VMP1: variants seen among roughly 807,000 people sequenced by gnomAD.
VMP1 encodes the protein ectopic P-granules autophagy protein 3 homolog.
In VMP1, 11 loss-of-function variants were observed where a neutral mutation model predicts 56.0. The observed-to-expected ratio is 0.20, with a 90% confidence interval of 0.12 to 0.32. The LOEUF is 0.32. Among genes scored for constraint, VMP1 ranks in the 10% least tolerant of loss-of-function variants. VMP1 has a pLI of 1.00. For synonymous variants in VMP1, 149 were observed against 165.0 expected (o/e 0.90, Z 0.74); for missense variants, 296 against 490.3 (o/e 0.60, Z 3.74).
At chr17:59,722,866 G>C (rs956447628) in intron 1 of VMP1, among the ~76,000 whole-genome samples, 4 of 152,194 alleles carry the variant, frequency 2.6e-5, no homozygotes, top group African/African-American at 4.8e-5. Flanking sequence ...AGGTGATAGA[G>C]CAAGACTGTC....
rs141924707 is a variant in VMP1, at chr17:59,798,747, G to A, written c.715-10049G>A. Among the ~76,000 whole-genome samples, 1,319 of 152,252 alleles carry A rather than the reference G, an allele frequency of 8.7e-3. 13 individuals carry two copies. The highest frequency in any genetic ancestry group is 0.029 in the African/African-American group (1,186 of 41,570). On this transcript the variant is annotated intron_variant, in intron 7 of 11. Coordinates refer to ENST00000262291, the MANE Select transcript of VMP1 (RefSeq NM_030938.5). ...ACTAAAAATACAAAATTAGCCAGGT[G>A]TGGTGGCGCATGCCTGTAATCCCAG...
In VMP1 at chr17:59,832,182, CTTTTTTTT is replaced by C. The variant is rs766864144; in HGVS notation, c.975-6096_975-6089del. On this transcript the variant is annotated intron_variant, in intron 10 of 11. Transcript: ENST00000262291. ...AGCAAGGAAAAGCAAATGAGATCAA[CTTTTTTTT>C]TTTTTTTTTTTTTTTTGTCACCTAG... is the stretch of plus-strand genomic sequence containing the variant. 6.8e-5 allele frequency among the ~76,000 whole-genome samples: 7 copies of C among 102,800 alleles called. 1 individual carries two copies. The highest frequency in any genetic ancestry group is 2.6e-4 in the East Asian group (1 of 3,806). The allele number at this position is 102,800 out of a possible 152,430, so 67.4% of individuals were successfully genotyped here. A position where few individuals can be genotyped will look rare whatever the true frequency, so the allele number is the denominator to read the frequency against.
At chr17:59,741,073 T>C (rs762383228) in intron 5 of VMP1, among the ~76,000 whole-genome samples, 2 of 152,044 alleles carry the variant, frequency 1.3e-5, no homozygotes, top group Non-Finnish European at 2.9e-5. Context: ...CACAGGACTG[T>C]TAGTCTCAGC....
chr17:59,751,607 T>TC (rs2035645203), intron 5 of VMP1, among the ~76,000 whole-genome samples: 2 of 141,784 alleles, frequency 1.4e-5, no homozygotes, highest in Non-Finnish European at 3.1e-5. Flanking sequence ...CTGGGCGTGG[T>TC]GGGGGGGGCG....
At chr17:59,796,985 T>C (rs1362746333) in intron 7 of VMP1, among the ~76,000 whole-genome samples, 1 of 152,120 alleles carries the variant, frequency 6.6e-6, no homozygotes, top group African/African-American at 2.4e-5. Flanking sequence ...AGAATGTTCA[T>C]AGCAGCATTA....
chr17:59,777,549 C>T (rs1397673417), intron 7 of VMP1, among the ~76,000 whole-genome samples: 2 of 151,864 alleles, frequency 1.3e-5, no homozygotes, highest in African/African-American at 2.4e-5. Context: ...CAGTGGCTCA[C>T]GCCTGTAATC....
intron 7 of VMP1, among the ~76,000 whole-genome samples, chr17:59,807,832 C>CAAAAAAAAAA (rs543862899): frequency 1.2e-5 from 1 of 85,688 alleles, no homozygotes; most frequent in African/African-American, 4.2e-5. Context: ...AACTCCGTCT[C>CAAAAAAAAAA]AAAAAAAAAA....
At chr17:59,733,065 C>T (rs2143809878) in intron 2 of VMP1, among the ~76,000 whole-genome samples, 1 of 152,200 alleles carries the variant, frequency 6.6e-6, no homozygotes, top group East Asian at 1.9e-4. Context: ...GCTAGCTACT[C>T]AAGTTCTAGC....
intron 7 of VMP1, among the ~76,000 whole-genome samples, chr17:59,807,832 CAAAAAAAAAA>C (rs543862899): frequency 1.2e-5 from 1 of 85,688 alleles, no homozygotes; most frequent in African/African-American, 4.2e-5. Context: ...AACTCCGTCT[CAAAAAAAAAA>C]AAAAAAAAAG....
intron 7 of VMP1, among the ~76,000 whole-genome samples, chr17:59,786,421 T>G (rs1162991996): frequency 1.3e-5 from 2 of 152,210 alleles, no homozygotes; most frequent in Admixed American, 6.5e-5. Context: ...TGCCTGCTGG[T>G]TTTTCCTGCT....
chr17:59,823,034 A>G (rs2038507145), intron 10 of VMP1, among the ~76,000 whole-genome samples: 1 of 152,168 alleles, frequency 6.6e-6, no homozygotes, highest in Admixed American at 6.6e-5. Context: ...GCAGTGAACC[A>G]TGATCATACT....
At chr17:59,820,614 C>A (rs568659855) in intron 10 of VMP1, among the ~76,000 whole-genome samples, 1 of 152,218 alleles carries the variant, frequency 6.6e-6, no homozygotes, top group Non-Finnish European at 1.5e-5. Context: ...ACGTATACTA[C>A]ATGCACTTAT....
chr17:59,835,571 A>C (rs1273251619), intron 10 of VMP1, among the ~76,000 whole-genome samples: 1 of 150,606 alleles, frequency 6.6e-6, no homozygotes, highest in African/African-American at 2.4e-5. Flanking sequence ...GCTCACTGCA[A>C]CCTCTGCCTC....
intron 1 of VMP1, among the ~76,000 whole-genome samples, chr17:59,721,715 C>CAAACAAAACAAAACA (rs57750049): frequency 2.0e-3 from 298 of 150,200 alleles, no homozygotes; most frequent in African/African-American, 6.7e-3. Flanking sequence ...TCTGTCTCTA[C>CAAACAAAACAAAACA]AAACAAAACA....
chr17:59,752,633 A>G lies in VMP1; in HGVS notation c.415-12338A>G, dbSNP rs114650851. Among the ~76,000 whole-genome samples the G allele has an allele frequency of 2.1e-3, 324 of 152,346 alleles. 3 individuals are homozygous for G. Among genetic ancestry groups the G allele is most frequent in the African/African-American group, 7.4e-3 (308 of 41,580 alleles). The stretch of plus-strand genomic sequence containing the variant: ...CTAAATGAGCTGTCTGATGACAGGA[A>G]GATTTGGTTCCAGTTTCATGTAACC... On this transcript the variant is annotated intron_variant, in intron 5 of 11. Coordinates refer to ENST00000262291, the MANE Select transcript of VMP1 (RefSeq NM_030938.5).
rs544833887 is a variant in VMP1 at position 59,835,489 on chromosome 17, T to C, written c.975-2806T>C. On this transcript the variant is annotated intron_variant, in intron 10 of 11. Coordinates refer to ENST00000262291, the MANE Select transcript of VMP1 (RefSeq NM_030938.5). The stretch of plus-strand genomic sequence containing the variant: ...GGAAAGTTCTTATAAATATGCAGTT[T>C]TTTGTTTTTTTTTTTTTTGAGACAG... 1.1e-4 allele frequency among the ~76,000 whole-genome samples: 16 copies of C among 149,550 alleles called. No homozygotes were observed. The East Asian group carries it at 1.4e-3, about 13-fold the overall frequency.
chr17:59,810,510 G>GA (rs2038019887), intron 8 of VMP1, among the ~76,000 whole-genome samples: 1 of 151,896 alleles, frequency 6.6e-6, no homozygotes, highest in Non-Finnish European at 1.5e-5. Flanking sequence ...GGAACCTTAT[G>GA]ATAAAGGAAA....
chr17:59,831,323 C>CA (rs1481239381), intron 10 of VMP1, among the ~76,000 whole-genome samples: 1 of 152,072 alleles, frequency 6.6e-6, no homozygotes, highest in African/African-American at 2.4e-5. Context: ...AGGCACTTGC[C>CA]ATCACACCCA....
At chr17:59,799,105 G>T (rs2037548665) in intron 7 of VMP1, among the ~76,000 whole-genome samples, 1 of 152,104 alleles carries the variant, frequency 6.6e-6, no homozygotes, top group Non-Finnish European at 1.5e-5. Flanking sequence ...CTGTTTCAGA[G>T]AATAGTCAGA....
Sources: allele counts gnomAD v4.1 joint callset (sites outside exome capture counted in the v4.1 genomes callset), GRCh38; gene constraint gnomAD v4.1.1; transcripts MANE v1.5; gene names NCBI Gene and HGNC (gene_info 2026-07-23, HGNC 2026-07-21).